The following FAM13A variants were observed in gnomAD, a reference collection of about 807,000 sequenced individuals.
FAM13A encodes the protein family with sequence similarity 13 member A, also known as protein FAM13A.
A neutral mutation model predicts 129.6 loss-of-function variants in FAM13A; 76 were observed. The observed-to-expected ratio is 0.59, with a 90% CI of 0.49 to 0.71. The LOEUF (loss-of-function observed/expected upper bound fraction) is 0.71, where lower values mean the gene tolerates loss of function less well. Ranked by LOEUF, FAM13A falls within the 30% of genes least tolerant of loss-of-function variation. The pLI is 0.00. For missense variants in FAM13A, 1,108 were observed against 1,249.3 expected (o/e 0.89, Z 1.70); for synonymous variants, 443 against 449.9 (o/e 0.98, Z 0.20).
At chr4:88,777,741 C>A (rs1722054334) in intron 11 of FAM13A, among the ~76,000 whole-genome samples, 3 of 152,186 alleles carry the variant, frequency 2.0e-5, no homozygotes, top group Non-Finnish European at 4.4e-5. Flanking sequence ...CACTGTGAAG[C>A]CATTTACTCA....
At chr4:88,998,200 A>G (rs1009858144) in intron 3 of FAM13A, among the ~76,000 whole-genome samples, 19 of 152,206 alleles carry the variant, frequency 1.2e-4, no homozygotes, top group African/African-American at 4.3e-4. Context: ...TCTCACCCAC[A>G]GTACAGTGAG....
chr4:88,883,787 G>C (rs1050458784), intron 6 of FAM13A, among the ~76,000 whole-genome samples: 3 of 151,910 alleles, frequency 2.0e-5, no homozygotes, highest in Non-Finnish European at 4.4e-5. Flanking sequence ...CAAAAAGAGA[G>C]AAGATCCAAA....
intron 4 of FAM13A, among the ~76,000 whole-genome samples, chr4:88,954,503 G>C (rs901434953): frequency 6.6e-6 from 1 of 152,144 alleles, no homozygotes; most frequent in Non-Finnish European, 1.5e-5. Context: ...TAAGGTCAAG[G>C]GAGGAGCCAG....
rs561766022 is a variant in FAM13A, at chr4:88,960,415, AC to A, written c.606-22175del. On this transcript the variant is annotated intron_variant, in intron 4 of 23. Coordinates refer to ENST00000264344, the MANE Select transcript of FAM13A (RefSeq NM_014883.4). The stretch of plus-strand genomic sequence containing the variant: ...GGAAAACTGATGATTAGGTTCAATT[AC>A]AAAACAATAGAAAAACAGAGGGATA... Among the ~76,000 whole-genome samples the A allele has an allele frequency of 2.3e-3, 348 of 152,362 alleles. 1 individual carries two copies. Among genetic ancestry groups the A allele is most frequent in the South Asian group, 7.9e-3 (38 of 4,822 alleles).
At position 88,994,754 on chromosome 4, in the gene FAM13A, C is replaced by T. The variant is rs114237468; in HGVS notation, c.428-3604G>A. ...ACTTGGGAGGCTGAAATGGGAGGAT[C>T]GCTTGAGCTTCAGGAAGTCAAAGCA... On this transcript the variant is annotated intron_variant, in intron 3 of 23. Coordinates refer to ENST00000264344, the MANE Select transcript of FAM13A (RefSeq NM_014883.4). Among the ~76,000 whole-genome samples the T allele has an allele frequency of 6.5e-3, 986 of 151,884 alleles. 17 individuals carry two copies. The highest frequency in any genetic ancestry group is 0.023 in the African/African-American group (941 of 41,386).
At chr4:89,016,961 T>C (rs1327585820) in intron 3 of FAM13A, among the ~76,000 whole-genome samples, 2 of 152,202 alleles carry the variant, frequency 1.3e-5, no homozygotes, top group African/African-American at 2.4e-5. Context: ...TTTAGATATG[T>C]TGAGATACAC....
chr4:88,876,119 C>T (rs752587270), intron 6 of FAM13A, among the ~76,000 whole-genome samples: 1 of 152,126 alleles, frequency 6.6e-6, no homozygotes, highest in Non-Finnish European at 1.5e-5. Flanking sequence ...GGGTGGGGAA[C>T]ATCCCACACC....
At chr4:88,759,037 T>C in intron 13 of FAM13A, 136 bp from the exon 14 acceptor site, 1 of 884,674 alleles carries the variant, frequency 1.1e-6, no homozygotes, top group Non-Finnish European at 1.7e-6. Context: ...ATAAAAATCA[T>C]GGCTTGATGC....
chr4:88,948,157 G>A (rs184624439), intron 4 of FAM13A, among the ~76,000 whole-genome samples: 1 of 152,130 alleles, frequency 6.6e-6, no homozygotes, highest in African/African-American at 2.4e-5. Flanking sequence ...AGAGCTCTTG[G>A]AACAAGGGGC....
chr4:88,989,640 T>C (rs1458854566), intron 4 of FAM13A: 1 of 152,184 alleles, frequency 6.6e-6, no homozygotes, highest in Non-Finnish European at 1.5e-5. Flanking sequence ...TTTTATTTTA[T>C]GTATATTTTA....
In FAM13A at chr4:88,728,339, C is replaced by T. The variant is rs950907691; in HGVS notation, c.*194G>A. 8 of 644,296 alleles carry T rather than the reference C, an allele frequency of 1.2e-5. No individual in the cohort carries two copies. Among genetic ancestry groups the T allele is most frequent in the African/African-American group, 9.2e-5 (5 of 54,620 alleles). 39.9% of individuals were successfully genotyped at this position (644,296 alleles called of 1,614,324 possible). The stretch of plus-strand genomic sequence containing the variant: ...CTTTCCAATTACAAAATGCCTAAGT[C>T]AGGTCACATTGTCTTCTTCCAGCCA... On this transcript the variant is annotated 3_prime_UTR_variant, in exon 24 of 24. Coordinates refer to ENST00000264344, the MANE Select transcript of FAM13A (RefSeq NM_014883.4).
intron 6 of FAM13A, among the ~76,000 whole-genome samples, chr4:88,903,080 A>G (rs1330471485): frequency 3.9e-5 from 6 of 152,228 alleles, no homozygotes; most frequent in Admixed American, 3.9e-4. Flanking sequence ...GGAACTACAA[A>G]TCACTGCTCA....
intron 1 of FAM13A, among the ~76,000 whole-genome samples, chr4:89,052,388 C>T (rs539873914): frequency 1.6e-4 from 24 of 150,504 alleles, no homozygotes; most frequent in Admixed American, 7.3e-4. Flanking sequence ...ATACATGTGT[C>T]ATGCTGGTGT....
At chr4:88,913,503 G>A (rs1178958265) in intron 5 of FAM13A, among the ~76,000 whole-genome samples, 1 of 149,084 alleles carries the variant, frequency 6.7e-6, no homozygotes, top group Non-Finnish European at 1.5e-5. Context: ...GGAGGAAGAG[G>A]AAGAGGAAGA....
intron 1 of FAM13A, among the ~76,000 whole-genome samples, chr4:89,043,144 T>C (rs1490186083): frequency 6.6e-6 from 1 of 152,096 alleles, no homozygotes; most frequent in Non-Finnish European, 1.5e-5. Context: ...CTACAAATAC[T>C]TACCACCTGA....
intron 4 of FAM13A, among the ~76,000 whole-genome samples, chr4:88,979,368 T>TGTA (rs1255911200): frequency 6.6e-6 from 1 of 152,096 alleles, no homozygotes; most frequent in African/African-American, 2.4e-5. Context: ...GTGTGAAAAA[T>TGTA]GTATGTTCAA....
At chr4:88,752,158 C>A (rs2149480891) in intron 14 of FAM13A, among the ~76,000 whole-genome samples, 1 of 152,268 alleles carries the variant, frequency 6.6e-6, no homozygotes, top group Non-Finnish European at 1.5e-5. Flanking sequence ...GGTGAGGGTC[C>A]AGATATGTGC....
intron 3 of FAM13A, among the ~76,000 whole-genome samples, chr4:89,003,322 G>GT (rs1361306845): frequency 6.6e-6 from 1 of 151,204 alleles, no homozygotes; most frequent in African/African-American, 2.4e-5. Flanking sequence ...AGAAAATTAT[G>GT]TAAGTGGGCT....
intron 6 of FAM13A, among the ~76,000 whole-genome samples, chr4:88,858,385 CTT>C (rs1738906504): frequency 1.3e-5 from 2 of 152,162 alleles, no homozygotes; most frequent in African/African-American, 2.4e-5. Context: ...AGGTAGAAGA[CTT>C]TAACAAATTT....
Sources: allele counts gnomAD v4.1 joint callset (sites outside exome capture counted in the v4.1 genomes callset), GRCh38; gene constraint gnomAD v4.1.1; transcripts MANE v1.5; gene names NCBI Gene and HGNC (gene_info 2026-07-23, HGNC 2026-07-21).